The following LIPF variants were observed in gnomAD, a reference collection of about 807,000 sequenced individuals.
The protein encoded by LIPF is gastric triacylglycerol lipase.
LIPF carries 25 observed loss-of-function variants against 38.0 expected under a neutral mutation model. The observed-to-expected ratio is 0.66, with a 90% confidence interval of 0.48 to 0.92. The LOEUF (loss-of-function observed/expected upper bound fraction) is 0.92, where lower values mean the gene tolerates loss of function less well. Among genes scored for constraint, LIPF ranks in the 40% least tolerant of loss-of-function variants. LIPF has a pLI of 0.00. For missense variants in LIPF, 410 were observed against 469.9 expected, an observed-to-expected ratio of 0.87 and a Z score of 1.18; for synonymous variants, 161 against 156.2, an observed-to-expected ratio of 1.03 and a Z score of -0.23.
At chr10:88,665,156 C>A (rs1162429400) in intron 1 of LIPF, among the ~76,000 whole-genome samples, 1 of 152,086 alleles carries the variant, frequency 6.6e-6, no homozygotes, top group East Asian at 1.9e-4. Flanking sequence ...TTGGGCGAGT[C>A]CTCTTTTAGC....
At chr10:88,670,880 C>T (rs539627181) in intron 5 of LIPF, among the ~76,000 whole-genome samples, 1 of 152,256 alleles carries the variant, frequency 6.6e-6, no homozygotes, top group African/African-American at 2.4e-5. Flanking sequence ...TTAGAGGACT[C>T]TTATAGTACC....
At chr10:88,669,314 T>A (rs1035166621) in intron 4 of LIPF, 2 of 158,288 alleles carry the variant, frequency 1.3e-5, no homozygotes, top group African/African-American at 4.8e-5. Context: ...AACCTGTGTG[T>A]CCCAGGTGTA....
At chr10:88,676,167 AT>A in intron 8 of LIPF, 41 bp from the exon 9 acceptor site, 1 of 1,158,872 alleles carries the variant, frequency 8.6e-7, no homozygotes, top group South Asian at 1.4e-5. Context: ...TTTTCACAAT[AT>A]AATAATTTTT....
intron 5 of LIPF, among the ~76,000 whole-genome samples, chr10:88,670,540 T>C (rs1229167067): frequency 2.0e-5 from 3 of 152,156 alleles, no homozygotes; most frequent in Non-Finnish European, 4.4e-5. Context: ...GTCATGTGCC[T>C]ACCTAGTAGG....
chr10:88,674,511 T>C (rs1413191840), intron 7 of LIPF, among the ~76,000 whole-genome samples: 4 of 152,344 alleles, frequency 2.6e-5, no homozygotes, highest in Admixed American at 1.3e-4. Context: ...TCACTTTGTA[T>C]TGAGTTGGAG....
chr10:88,666,080 T>C (rs1341096558), intron 1 of LIPF, among the ~76,000 whole-genome samples: 1 of 152,172 alleles, frequency 6.6e-6, no homozygotes, highest in Admixed American at 6.5e-5. Context: ...AATCCTATAC[T>C]AAACCAGTGG....
At chr10:88,665,800 A>G (rs527707445) in intron 1 of LIPF, among the ~76,000 whole-genome samples, 60 of 140,728 alleles carry the variant, frequency 4.3e-4, no homozygotes, top group African/African-American at 1.6e-3. Context: ...CTGGAGTGCA[A>G]TGGTGCGATC....
chr10:88,669,064 G>T (rs889688828), intron 4 of LIPF: 3 of 257,004 alleles, frequency 1.2e-5, no homozygotes, highest in Admixed American at 4.7e-5. Context: ...TGTCCATATG[G>T]ATTCAAGAGA....
chr10:88,668,796 A>C (rs1277654649), intron 4 of LIPF, 40 bp downstream of exon 4: 2 of 1,563,340 alleles, frequency 1.3e-6, no homozygotes, highest in African/African-American at 1.3e-5. Context: ...ACTGGGCTTT[A>C]AAAGCATAGG....
At chr10:88,669,721 A>G (rs1841565695) in intron 4 of LIPF, 116 bp from the exon 5 acceptor site, 7 of 692,432 alleles carry the variant, frequency 1.0e-5, no homozygotes, top group South Asian at 9.4e-5. Context: ...ATAAGCATCA[A>G]TGTTTAGAGA....
chr10:88,669,775 T>C, intron 4 of LIPF, 62 bp from the exon 5 acceptor site: 2 of 1,201,014 alleles, frequency 1.7e-6, no homozygotes, highest in East Asian at 2.3e-5. Flanking sequence ...CTATAAATGC[T>C]TGAATTTTAG....
intron 9 of LIPF, among the ~76,000 whole-genome samples, chr10:88,678,163 T>C (rs958291458): frequency 1.3e-5 from 2 of 152,216 alleles, no homozygotes; most frequent in Non-Finnish European, 2.9e-5. Context: ...GCATCACCTA[T>C]GAATGCAGAA....
chr10:88,671,796 C>T (rs1194573106), intron 5 of LIPF, 33 bp from the exon 6 acceptor site: 3 of 1,599,676 alleles, frequency 1.9e-6, no homozygotes, highest in Non-Finnish European at 2.6e-6. Context: ...CACACACACA[C>T]ACCTTTTTCA....
chr10:88,674,293 C>T (rs1237976674), intron 7 of LIPF, among the ~76,000 whole-genome samples: 1 of 152,104 alleles, frequency 6.6e-6, no homozygotes, highest in African/African-American at 2.4e-5. Flanking sequence ...CTCAGCCTCC[C>T]GAGTAGCTGG....
intron 1 of LIPF, among the ~76,000 whole-genome samples, chr10:88,666,706 A>T (rs17333754): frequency 0.031 from 4,683 of 152,254 alleles, 88 homozygotes; most frequent in Middle Eastern, 0.061. Flanking sequence ...AAAAGAAAAA[A>T]AATTAGCCAG....
chr10:88,668,911 C>T (rs1269493715), intron 4 of LIPF, 155 bp downstream of exon 4: 12 of 646,422 alleles, frequency 1.9e-5, no homozygotes, highest in Non-Finnish European at 3.1e-5. Context: ...TTCCATGTAC[C>T]TCATTCCTAG....
chr10:88,664,869 ATATGC>A (rs1222355516), intron 1 of LIPF, among the ~76,000 whole-genome samples: 3 of 152,240 alleles, frequency 2.0e-5, no homozygotes, highest in African/African-American at 7.2e-5. Context: ...GGCTGTATTA[ATATGC>A]TATGTTTAAT....
At chr10:88,674,430 A>G (rs1841654522) in intron 7 of LIPF, among the ~76,000 whole-genome samples, 2 of 151,728 alleles carry the variant, frequency 1.3e-5, no homozygotes, top group South Asian at 4.2e-4. Context: ...AGCTTCCCAA[A>G]GTGCTGGGAT....
intron 1 of LIPF, chr10:88,665,423 C>T (rs746928588): frequency 5.4e-6 from 4 of 742,960 alleles, no homozygotes; most frequent in Middle Eastern, 2.3e-4. Context: ...ATGTTGAACA[C>T]ACAGTACAGC....
Sources: gnomAD v4.1 joint callset for allele counts (sites outside exome capture counted in the v4.1 genomes callset) on GRCh38, gnomAD v4.1.1 for gene constraint, MANE v1.5 for transcripts, NCBI Gene and HGNC (gene_info 2026-07-23, HGNC 2026-07-21) for gene names.